Variants in CCDC34 observed in about 807,000 individuals in gnomAD.
CCDC34 encodes coiled-coil domain-containing protein 34.
In CCDC34, 40 loss-of-function variants were observed where a neutral mutation model predicts 44.1. That is an observed-to-expected ratio of 0.91 (90% CI 0.70 to 1.18). CCDC34 has a LOEUF of 1.18. Among genes scored for constraint, CCDC34 ranks in the 50% most tolerant of loss-of-function variants. CCDC34 has a pLI of 0.00. For missense variants in CCDC34, 466 were observed against 452.3 expected (o/e 1.03, Z -0.28); for synonymous variants, 159 against 158.2 (o/e 1.01, Z -0.04).
chr11:27,353,136 C>T (rs1218277919), intron 2 of CCDC34, among the ~76,000 whole-genome samples: 6 of 152,120 alleles, frequency 3.9e-5, no homozygotes, highest in African/African-American at 1.4e-4. Context: ...AGATCTTAAA[C>T]ATGCATTTTT....
intron 3 of CCDC34, among the ~76,000 whole-genome samples, chr11:27,344,498 A>G (rs1862406743): frequency 6.6e-6 from 1 of 151,816 alleles, no homozygotes; most frequent in Admixed American, 6.6e-5. Context: ...AAACATGTGT[A>G]CATTACATAT....
Position 27,352,983 on chromosome 11 carries a change from T to C in CCDC34, c.499-2544A>G, listed in dbSNP as rs764498690. Among the ~76,000 whole-genome samples the C allele has an allele frequency of 1.2e-3, 186 of 152,326 alleles. 3 individuals are homozygous for C. Among genetic ancestry groups the C allele is most frequent in the Middle Eastern group, 6.8e-3 (2 of 294 alleles). On this transcript the variant is annotated intron_variant, in intron 2 of 5. Coordinates refer to ENST00000328697, the MANE Select transcript of CCDC34 (RefSeq NM_030771.2). ...ATGTTTACCACAAAGGCCAGTCTCC[T>C]TCAGGACACAGCTGGAGTCTTCCTT...
At chr11:27,339,337 G>A (rs1318601929) in intron 5 of CCDC34, among the ~76,000 whole-genome samples, 2 of 152,110 alleles carry the variant, frequency 1.3e-5, no homozygotes, top group Non-Finnish European at 2.9e-5. Context: ...TTAATTTTAT[G>A]ATCCTTAAAT....
Position 27,339,008 on chromosome 11 carries a change from T to C in CCDC34, c.935A>G (p.Glu312Gly). Residue 312 changes from glutamate (E) to glycine (G), a missense_variant, in exon 6 of 6, where the codon GAA becomes GGA. Physicochemically the swap from Glu to Gly is moderately conservative, Grantham distance 98. Coordinates refer to ENST00000328697, the MANE Select transcript of CCDC34 (RefSeq NM_030771.2). Reference protein sequence around the residue: ...TGFYSGNSYPEPAFYNPIPWK... With the variant: ...TGFYSGNSYPGPAFYNPIPWK... The stretch of plus-strand genomic sequence containing the variant: ...CGGAATTGGATTATAAAAGGCTGGT[T>C]CTGGATAGGAATTTCCACTGTAAAA... The C allele has an allele frequency of 6.2e-7, 1 of 1,612,308 alleles. No individual in the cohort carries two copies. The highest frequency in any genetic ancestry group is 8.5e-7 in the Non-Finnish European group (1 of 1,179,552).
chr11:27,359,325 G>A (rs1047051915), intron 1 of CCDC34, among the ~76,000 whole-genome samples: 1 of 152,040 alleles, frequency 6.6e-6, no homozygotes, highest in Non-Finnish European at 1.5e-5. Context: ...AACCCCTGCA[G>A]GTTGATGAAT....
chr11:27,349,959 G>C, intron 3 of CCDC34: 3 of 1,096,474 alleles, frequency 2.7e-6, no homozygotes, highest in Non-Finnish European at 3.3e-6. Context: ...TGACCGAGAA[G>C]ACAGCTGAAT....
rs1472022548 is a variant in CCDC34 at position 27,363,023 on chromosome 11, T to G, written c.172A>C (p.Ser58Arg). Reference sequence around the variant, plus strand: ...AGCGACCTGGTGGAATTGCTGCAGCTCAGCGGCAGCGGCGGCGACGGCGAG... The same window carrying G: ...AGCGACCTGGTGGAATTGCTGCAGCGCAGCGGCAGCGGCGGCGACGGCGAG... ...VRSPSPPLPL[S>R]CSNSTRSLLS... Residue 58 changes from serine to arginine, a missense_variant, in exon 1 of 6, where the codon AGC becomes CGC. Physicochemically the swap from Ser to Arg is moderately radical, Grantham distance 110 (BLOSUM62 -1). Coordinates refer to ENST00000328697, the MANE Select transcript of CCDC34 (RefSeq NM_030771.2). The G allele has an allele frequency of 1.2e-6, 2 of 1,613,978 alleles. No individual in the cohort carries two copies. The highest frequency in any genetic ancestry group is 1.7e-6 in the Non-Finnish European group (2 of 1,180,014).
chr11:27,350,270 T>C, intron 3 of CCDC34, 62 bp downstream of exon 3: 1 of 1,602,282 alleles, frequency 6.2e-7, no homozygotes, highest in Non-Finnish European at 8.5e-7. Flanking sequence ...TAATGAAGTA[T>C]AATAGGAAGA....
intron 3 of CCDC34, among the ~76,000 whole-genome samples, chr11:27,347,790 A>C (rs1470695648): frequency 2.0e-5 from 3 of 152,132 alleles, no homozygotes; most frequent in African/African-American, 7.2e-5. Context: ...GGTGATGGAA[A>C]TGTTCTGTAT....
chr11:27,345,688 T>A (rs1282275677), intron 3 of CCDC34, among the ~76,000 whole-genome samples: 4 of 152,168 alleles, frequency 2.6e-5, no homozygotes, highest in Admixed American at 6.5e-5. Flanking sequence ...TCTATCATTG[T>A]TGGACATTTG....
chr11:27,348,779 A>G (rs897607217), intron 3 of CCDC34: 4 of 843,060 alleles, frequency 4.7e-6, no homozygotes, highest in Non-Finnish European at 5.7e-6. Context: ...TATGTCTGAA[A>G]GAAGAAATCT....
chr11:27,341,260 A>G (rs1418669223), intron 4 of CCDC34, 132 bp downstream of exon 4: 4 of 564,124 alleles, frequency 7.1e-6, no homozygotes, highest in Non-Finnish European at 9.2e-6. Flanking sequence ...ACACAGCGTA[A>G]CAGGATAGCT....
chr11:27,349,638 A>G lies in CCDC34; in HGVS notation c.606+694T>C, dbSNP rs558820142. On this transcript the variant is annotated intron_variant, in intron 3 of 5. Transcript: ENST00000328697. ...ATTGACCACAGAATAAGTATTTTTA[A>G]AATTTCGAATGTGTGTGATCCATAG... 9.8e-5 allele frequency: 96 copies of G among 984,018 alleles called. 2 individuals carry two copies. In the South Asian group the frequency reaches 4.0e-3, roughly 41 times the overall value. The allele number at this position is 984,018 out of a possible 1,614,324, so 61.0% of individuals were successfully genotyped here.
intron 1 of CCDC34, among the ~76,000 whole-genome samples, chr11:27,361,959 C>T (rs1314277199): frequency 6.6e-6 from 1 of 152,304 alleles, no homozygotes; most frequent in South Asian, 2.1e-4. Flanking sequence ...CCCTTTGCTC[C>T]TACTTCTGTA....
Position 27,363,206 on chromosome 11 carries a change from A to C in CCDC34, c.-12T>G, listed in dbSNP as rs971819070. 3 of 1,457,412 alleles carry C rather than the reference A, an allele frequency of 2.1e-6. No individual in the cohort carries two copies. Among genetic ancestry groups the C allele is most frequent in the Non-Finnish European group, 2.7e-6 (3 of 1,112,306 alleles). 90.3% of individuals were successfully genotyped at this position (1,457,412 alleles called of 1,614,324 possible). ...CCCGCCGCCCACATCTGGCCCGCCA[A>C]GTTCAAACTGGCGGAGCCGCGGCGG... On this transcript the variant is annotated 5_prime_UTR_variant, in exon 1 of 6. Transcript: ENST00000328697.
intron 1 of CCDC34, 35 bp downstream of exon 1, chr11:27,362,801 A>G: frequency 6.3e-7 from 1 of 1,597,490 alleles, no homozygotes; most frequent in Non-Finnish European, 8.5e-7. Flanking sequence ...GGAATCTTGA[A>G]AAGGGCTGAA....
intron 2 of CCDC34, among the ~76,000 whole-genome samples, chr11:27,355,787 C>A (rs1862566188): frequency 6.6e-6 from 1 of 152,112 alleles, no homozygotes; most frequent in Non-Finnish European, 1.5e-5. Flanking sequence ...AAGTGCCACT[C>A]TCACAGCGCA....
rs201782962 is a variant in CCDC34, at chr11:27,342,314, T to C, written c.607-764A>G. Among the ~76,000 whole-genome samples the C allele has an allele frequency of 8.8e-4, 110 of 124,656 alleles. 1 individual carries two copies. The highest frequency in any genetic ancestry group is 1.4e-3 in the African/African-American group (49 of 34,062). 81.8% of individuals were successfully genotyped at this position (124,656 alleles called of 152,430 possible). A position where few individuals can be genotyped will look rare whatever the true frequency, so the allele number is the denominator to read the frequency against. On this transcript the variant is annotated intron_variant, in intron 3 of 5. Transcript: ENST00000328697. Reference sequence around the variant, plus strand: ...GGCTATATATATATATATATATATATATACACACACACACACATTTATATA... The same window carrying C: ...GGCTATATATATATATATATATATACATACACACACACACACATTTATATA...
chr11:27,343,342 C>T (rs1180030106), intron 3 of CCDC34, among the ~76,000 whole-genome samples: 1 of 149,228 alleles, frequency 6.7e-6, no homozygotes, highest in Non-Finnish European at 1.5e-5. Flanking sequence ...GCGGAGGTTG[C>T]AGTTAGCCGA....
Sources: allele counts gnomAD v4.1 joint callset (sites outside exome capture counted in the v4.1 genomes callset), GRCh38; gene constraint gnomAD v4.1.1; transcripts MANE v1.5; gene names NCBI Gene and HGNC (gene_info 2026-07-23, HGNC 2026-07-21).